Variants in AMPD2 observed in about 807,000 individuals in gnomAD.
AMPD2 encodes AMP deaminase 2.
Under a neutral mutation model 91.3 loss-of-function variants are expected in AMPD2, and 52 were observed. The ratio of observed to expected loss-of-function variants is 0.57; its 90% CI spans 0.46 to 0.72. The LOEUF (loss-of-function observed/expected upper bound fraction) is 0.72, where lower values mean the gene tolerates loss of function less well. AMPD2 is among the 30% of genes least tolerant of loss of function. The probability of loss-of-function intolerance (pLI) is 0.00; values close to 1 mark genes in which losing one functional copy is unlikely to be tolerated. For synonymous variants in AMPD2, 455 were observed against 456.4 expected (o/e 1.00, Z 0.04); for missense variants, 822 against 1,122.3 (o/e 0.73, Z 3.82).
In AMPD2 at chr1:109,626,789, A is replaced by C; in HGVS notation, c.595A>C (p.Lys199Gln). The C allele has an allele frequency of 6.2e-7, 1 of 1,613,820 alleles. No individual in the cohort carries two copies. The highest frequency in any genetic ancestry group is 1.3e-5 in the African/African-American group (1 of 74,966). Residue 199 changes from lysine (K) to glutamine (Q), a missense_variant, in exon 7 of 19, where the codon AAG (lysine) becomes CAG (glutamine). Physicochemically the swap from Lys to Gln is moderately conservative, Grantham distance 53. This residue lies in a region of AMPD2 where 240 missense variants were observed against 270.3 expected (regional missense o/e 0.89). Coordinates refer to ENST00000528667, the MANE Select transcript of AMPD2 (RefSeq NM_001368809.2). The part of the protein sequence containing the change: ...SVVRALFIRE[K>Q]YMALSLQSFC... ...GGTGCGGGCGCTCTTCATCCGGGAG[A>C]AGTACATGGCCCTGTCCCTGCAGAG...
Position 109,620,261 on chromosome 1 carries a change from C to T in AMPD2, c.-280C>T, listed in dbSNP as rs1298688959. 3.1e-6 allele frequency: 5 copies of T among 1,614,062 alleles called. No homozygotes were observed. Among genetic ancestry groups the T allele is most frequent in the African/African-American group, 1.3e-5 (1 of 75,026 alleles). On this transcript the variant is annotated 5_prime_UTR_variant, in exon 1 of 19. Coordinates refer to ENST00000528667, the MANE Select transcript of AMPD2 (RefSeq NM_001368809.2). ...TCGTGGGCAGCCTCCCCTCGGAACT[C>T]GGGCATCATGGCCTCAGGTGAGTGT...
rs1345418545 is a variant in AMPD2 at position 109,626,207 on chromosome 1, C to A, written c.401C>A (p.Thr134Lys). Residue 134 changes from threonine (T) to lysine (K), a missense_variant, in exon 5 of 19, where the codon ACG becomes AAG. This residue lies in a region of AMPD2 where 240 missense variants were observed against 270.3 expected (regional missense o/e 0.89). Coordinates refer to ENST00000528667, the MANE Select transcript of AMPD2 (RefSeq NM_001368809.2). ...CGGGCCAAGCAAGATTTCCTGAAGACGGACAGTGACTCGGACCTACAGTGA... is the reference window on the plus strand; with the variant it reads ...CGGGCCAAGCAAGATTTCCTGAAGAAGGACAGTGACTCGGACCTACAGTGA... ...LLRAKQDFLKTDSDSDLQLYK... is the reference protein window; with the variant it reads ...LLRAKQDFLKKDSDSDLQLYK... 6.2e-7 allele frequency: 1 copy of A among 1,614,158 alleles called. No individual in the cohort carries two copies. Among genetic ancestry groups the A allele is most frequent in the East Asian group, 2.2e-5 (1 of 44,886 alleles).
Position 109,631,207 on chromosome 1 carries a change from C to T in AMPD2, c.*55C>T. On this transcript the variant is annotated 3_prime_UTR_variant, in exon 19 of 19. Coordinates refer to ENST00000528667, the MANE Select transcript of AMPD2 (RefSeq NM_001368809.2). The stretch of plus-strand genomic sequence containing the variant: ...CAGCACTTTTACCACGTTTTGTCCT[C>T]AGACCCCGCCCATGCTGTGTGGTCT... 6.7e-7 allele frequency: 1 copy of T among 1,489,232 alleles called. No homozygotes were observed. 92.3% of individuals were successfully genotyped at this position (1,489,232 alleles called of 1,614,324 possible). A position where few individuals can be genotyped will look rare whatever the true frequency, so the allele number is the denominator to read the frequency against.
rs758454530 is a variant in AMPD2 at position 109,627,539 on chromosome 1, GAC to G, written c.950+24_950+25del. 10 of 1,613,164 alleles carry G rather than the reference GAC, an allele frequency of 6.2e-6. No homozygotes were observed. In the South Asian group the frequency reaches 1.1e-4, roughly 18 times the overall value. The stretch of plus-strand genomic sequence containing the variant: ...CCCATGTGAGTCCCCTGCCATCCCA[GAC>G]ACTTAGCTCCCCTCCCAGCCCAGAT... On this transcript the variant is annotated intron_variant, in intron 9 of 18. Transcript: ENST00000528667.
intron 15 of AMPD2, 131 bp downstream of exon 15, chr1:109,629,621 C>T (rs897061213): frequency 6.9e-7 from 1 of 1,441,540 alleles, no homozygotes; most frequent in Non-Finnish European, 9.5e-7. Context: ...TCTTTCTCTG[C>T]CCTTGGAGCT....
At chr1:109,630,921 C>G in intron 18 of AMPD2, 22 bp from the exon 19 acceptor site, 1 of 1,613,106 alleles carries the variant, frequency 6.2e-7, no homozygotes, top group Non-Finnish European at 8.5e-7. Context: ...GCAGCCCTGC[C>G]CATTACCCCC....
chr1:109,620,596 C>G, intron 1 of AMPD2: 1 of 1,230,020 alleles, frequency 8.1e-7, no homozygotes, highest in Non-Finnish European at 1.0e-6. Context: ...TCGGTTCTTC[C>G]CCCTCCTCCC....
At chr1:109,621,426 G>A in intron 2 of AMPD2, 160 bp downstream of exon 2, 1 of 738,434 alleles carries the variant, frequency 1.4e-6, no homozygotes, top group South Asian at 1.5e-5. Context: ...TTGGAAGGTG[G>A]GGTGAGGGGT....
intron 2 of AMPD2, among the ~76,000 whole-genome samples, chr1:109,622,846 AG>A (rs1200785053): frequency 6.6e-6 from 1 of 152,094 alleles, no homozygotes; most frequent in African/African-American, 2.4e-5. Flanking sequence ...GGCCTCCCCT[AG>A]AAGGAGTCAG....
Position 109,625,192 on chromosome 1 carries a change from C to T in AMPD2, c.92-111C>T. ...TCCTCAGCTACTGAGGAGGGACTGCCCTCTTTCCCGACCCTGGGCTCTCTC... is the reference window on the plus strand; with the variant it reads ...TCCTCAGCTACTGAGGAGGGACTGCTCTCTTTCCCGACCCTGGGCTCTCTC... On this transcript the variant is annotated intron_variant, in intron 2 of 18. Transcript: ENST00000528667. This position sits in a 1 kb window ranked among gnomAD's most constrained non-coding sequence, Gnocchi z 4.0. The T allele has an allele frequency of 1.4e-6, 2 of 1,457,490 alleles. No individual in the cohort carries two copies. The highest frequency in any genetic ancestry group is 1.9e-6 in the Non-Finnish European group (2 of 1,079,476). The allele number at this position is 1,457,490 out of a possible 1,614,324, so 90.3% of individuals were successfully genotyped here. A position where few individuals can be genotyped will look rare whatever the true frequency, so the allele number is the denominator to read the frequency against.
Position 109,628,147 on chromosome 1 carries a change from G to A in AMPD2, c.1145G>A (p.Arg382Gln). 1 of 1,614,122 alleles carries A rather than the reference G, an allele frequency of 6.2e-7. No homozygotes were observed. The highest frequency in any genetic ancestry group is 8.5e-7 in the Non-Finnish European group (1 of 1,180,048). ...NQKHLLRFIK[R>Q]AMKRHLEEIV... ...AAGCATCTGCTGCGCTTCATCAAGC[G>A]GGCAATGAAGCGGCACCTGGAGGAG... The change falls in exon 11 of 19, where the codon CGG (arginine) becomes CAG (glutamine). Residue 382 changes from arginine (R) to glutamine (Q), a missense_variant. Arg to Gln is a conservative substitution (Grantham distance 43). Coordinates refer to ENST00000528667, the MANE Select transcript of AMPD2 (RefSeq NM_001368809.2). The surrounding 1 kb of genome is among the most constrained non-coding windows in gnomAD (Gnocchi z 7.1).
In AMPD2 at chr1:109,628,941, G is replaced by T. The variant is rs1650960082; in HGVS notation, c.1571+135G>T. The stretch of plus-strand genomic sequence containing the variant: ...TCTGAGTGCAAGGAAGGGCTTCCTG[G>T]TCCCATCCATGGTCTGTCCAGCCTG... On this transcript the variant is annotated intron_variant, in intron 13 of 18. Coordinates refer to ENST00000528667, the MANE Select transcript of AMPD2 (RefSeq NM_001368809.2). The surrounding 1 kb of genome is among the most constrained non-coding windows in gnomAD (Gnocchi z 7.1). 4 of 1,431,840 alleles carry T rather than the reference G, an allele frequency of 2.8e-6. No individual in the cohort carries two copies. Among genetic ancestry groups the T allele is most frequent in the Non-Finnish European group, 3.7e-6 (4 of 1,072,582 alleles). 88.7% of individuals were successfully genotyped at this position (1,431,840 alleles called of 1,614,324 possible).
Position 109,631,574 on chromosome 1 carries a change from G to T in AMPD2, c.*422G>T. ...GTCTTGTTCATGTAGCCGAGGGGCA[G>T]GCGGGGGACCTCTACACCTCTGCTG... On this transcript the variant is annotated 3_prime_UTR_variant, in exon 19 of 19. Coordinates refer to ENST00000528667, the MANE Select transcript of AMPD2 (RefSeq NM_001368809.2). The T allele has an allele frequency of 3.6e-6, 1 of 277,762 alleles. No homozygotes were observed. The highest frequency in any genetic ancestry group is 7.0e-6 in the Non-Finnish European group (1 of 142,132). 17.2% of individuals were successfully genotyped at this position (277,762 alleles called of 1,614,324 possible). A position where few individuals can be genotyped will look rare whatever the true frequency, so the allele number is the denominator to read the frequency against.
In AMPD2 at chr1:109,625,915, G is replaced by C. The variant is rs1650638849; in HGVS notation, c.353+123G>C. 1 of 1,456,368 alleles carries C rather than the reference G, an allele frequency of 6.9e-7. No homozygotes were observed. The highest frequency in any genetic ancestry group is 2.5e-5 in the East Asian group (1 of 40,762). The allele number at this position is 1,456,368 out of a possible 1,614,324, so 90.2% of individuals were successfully genotyped here. A position where few individuals can be genotyped will look rare whatever the true frequency, so the allele number is the denominator to read the frequency against. ...GGTCTGCACAGGGAGCATAGAGTGG[G>C]CTTTGGAGTCGGGCTGCTGGGTTCT... On this transcript the variant is annotated intron_variant, in intron 4 of 18. Transcript: ENST00000528667. The surrounding 1 kb of genome is among the most constrained non-coding windows in gnomAD (Gnocchi z 4.0).
Position 109,631,225 on chromosome 1 carries a change from T to C in AMPD2, c.*73T>C, listed in dbSNP as rs1477068331. On this transcript the variant is annotated 3_prime_UTR_variant, in exon 19 of 19. Coordinates refer to ENST00000528667, the MANE Select transcript of AMPD2 (RefSeq NM_001368809.2). ...TTGTCCTCAGACCCCGCCCATGCTG[T>C]GTGGTCTCTGCATGTCTCCATTCTT... 11 of 1,373,028 alleles carry C rather than the reference T, an allele frequency of 8.0e-6. No individual in the cohort carries two copies. In the Admixed American group the frequency reaches 1.4e-4, roughly 17 times the overall value. The allele number at this position is 1,373,028 out of a possible 1,614,324, so 85.1% of individuals were successfully genotyped here.
In AMPD2 at chr1:109,629,693, G is replaced by C. The variant is rs895977908; in HGVS notation, c.1863-103G>C. ...GTCCCCCTTATCCCAGGCCTGCATA[G>C]TTATTGGCTGGAGGACATATGCGTG... is the stretch of plus-strand genomic sequence containing the variant. On this transcript the variant is annotated intron_variant, in intron 15 of 18. Transcript: ENST00000528667. The C allele has an allele frequency of 2.0e-6, 3 of 1,498,524 alleles. No individual in the cohort carries two copies. In the African/African-American group the frequency reaches 4.3e-5, roughly 21 times the overall value. The allele number at this position is 1,498,524 out of a possible 1,614,324, so 92.8% of individuals were successfully genotyped here.
Position 109,620,293 on chromosome 1 carries a change from G to C in AMPD2, c.-263+15G>C. Reference sequence around the variant, plus strand: ...CATGGCCTCAGGTGAGTGTGTGTACGTGTGTTGGAGGGAGGGTCTCTGGGA... The same window carrying C: ...CATGGCCTCAGGTGAGTGTGTGTACCTGTGTTGGAGGGAGGGTCTCTGGGA... On this transcript the variant is annotated intron_variant, in intron 1 of 18. Coordinates refer to ENST00000528667, the MANE Select transcript of AMPD2 (RefSeq NM_001368809.2). 1.2e-6 allele frequency: 2 copies of C among 1,613,802 alleles called. No homozygotes were observed. Among genetic ancestry groups the C allele is most frequent in the Middle Eastern group, 1.7e-4 (1 of 6,060 alleles).
At chr1:109,627,354 TG>T in intron 8 of AMPD2, 38 bp downstream of exon 8, 1 of 1,612,478 alleles carries the variant, frequency 6.2e-7, no homozygotes, top group Non-Finnish European at 8.5e-7. Flanking sequence ...GGATGCAGCG[TG>T]GGAGGTTGCG....
chr1:109,629,482 C>T lies in AMPD2; in HGVS notation c.1854C>T (p.His618=). 6.2e-7 allele frequency: 1 copy of T among 1,613,768 alleles called. No individual in the cohort carries two copies. The highest frequency in any genetic ancestry group is 8.5e-7 in the Non-Finnish European group (1 of 1,179,864). The part of the protein sequence containing the change: ...YTFANMAMLN[H]LRRQRGFHTF... ...TTGCCAACATGGCCATGTTGAACCACCTGCGCAGGTGCCTGCACCACCCTG... is the reference window on the plus strand; with the variant it reads ...TTGCCAACATGGCCATGTTGAACCATCTGCGCAGGTGCCTGCACCACCCTG... The change falls in exon 15 of 19, where the codon CAC becomes CAT. Residue 618 remains histidine (H), a synonymous_variant. Transcript: ENST00000528667.
Sources: gnomAD v4.1 joint callset for allele counts (sites outside exome capture counted in the v4.1 genomes callset) on GRCh38, gnomAD v4.1.1 for gene constraint, gnomAD v4.1.1 regional missense constraint, Gnocchi (gnomAD v3.1) non-coding constraint, MANE v1.5 for transcripts, NCBI Gene and HGNC (gene_info 2026-07-23, HGNC 2026-07-21) for gene names.